Variants in SH3D19 observed in about 807,000 individuals in gnomAD.
The protein encoded by SH3D19 is SH3 domain containing 19.
Under a neutral mutation model 112.1 loss-of-function variants are expected in SH3D19, and 58 were observed. That is an observed-to-expected ratio of 0.52 (90% CI 0.42 to 0.64). The LOEUF (loss-of-function observed/expected upper bound fraction) is 0.64, where lower values mean the gene tolerates loss of function less well. SH3D19 is among the 30% of genes least tolerant of loss of function. SH3D19 has a pLI of 0.00. For missense variants in SH3D19, 1,090 were observed against 1,263.4 expected, an observed-to-expected ratio of 0.86 and a Z score of 2.08; for synonymous variants, 391 against 448.5, an observed-to-expected ratio of 0.87 and a Z score of 1.62.
At chr4:151,269,128 C>T (rs1359981409) in intron 1 of SH3D19, among the ~76,000 whole-genome samples, 1 of 152,210 alleles carries the variant, frequency 6.6e-6, no homozygotes, top group Non-Finnish European at 1.5e-5. Context: ...CTAATGATTG[C>T]CATTCTAACT....
intron 1 of SH3D19, among the ~76,000 whole-genome samples, chr4:151,322,926 T>C (rs1730697310): frequency 6.6e-6 from 1 of 151,944 alleles, no homozygotes; most frequent in Admixed American, 6.6e-5. Flanking sequence ...GGTAAAACTG[T>C]ACAGAATGAA....
intron 2 of SH3D19, among the ~76,000 whole-genome samples, chr4:151,203,268 T>A (rs1764655126): frequency 6.6e-6 from 1 of 152,104 alleles, no homozygotes; most frequent in South Asian, 2.1e-4. Context: ...CACGGAACAA[T>A]CCTTGGCAGT....
At chr4:151,249,992 G>A (rs1561400106) in intron 1 of SH3D19, among the ~76,000 whole-genome samples, 1 of 152,136 alleles carries the variant, frequency 6.6e-6, no homozygotes, top group Non-Finnish European at 1.5e-5. Context: ...CCAAAATGTA[G>A]GGACTGGGGG....
intron 1 of SH3D19, among the ~76,000 whole-genome samples, chr4:151,296,521 T>C (rs1297564483): frequency 2.6e-5 from 4 of 152,116 alleles, no homozygotes; most frequent in African/African-American, 4.8e-5. Flanking sequence ...ACAATAAACA[T>C]ATGCATTCAC....
intron 14 of SH3D19, among the ~76,000 whole-genome samples, chr4:151,136,514 T>C (rs1751882516): frequency 2.0e-5 from 3 of 152,238 alleles, no homozygotes; most frequent in Non-Finnish European, 4.4e-5. Flanking sequence ...TGCAATAAAA[T>C]ATTTGGCTAT....
In SH3D19 at chr4:151,175,325, A is replaced by T. The variant is rs1486271106; in HGVS notation, c.879T>A (p.Ile293=). 4 of 1,613,600 alleles carry T rather than the reference A, an allele frequency of 2.5e-6. No homozygotes were observed. The highest frequency in any genetic ancestry group is 3.4e-6 in the Non-Finnish European group (4 of 1,179,894). ...IMNTEQSQNS[I]VSRIKVFEGQ... ...CCTCAAACACTTTAATTCTGGAAAC[A>T]ATACTATTTTGGCTTTGTTCTGTGT... Residue 293 remains isoleucine, a synonymous_variant, in exon 7 of 20, where the codon ATT becomes ATA. Coordinates refer to ENST00000604030, the MANE Select transcript of SH3D19 (RefSeq NM_001378122.1).
At chr4:151,283,789 T>G (rs1413052126) in intron 1 of SH3D19, among the ~76,000 whole-genome samples, 3 of 152,144 alleles carry the variant, frequency 2.0e-5, no homozygotes, top group Non-Finnish European at 4.4e-5. Flanking sequence ...TTGCTAGACT[T>G]TTATAGACCT....
intron 9 of SH3D19, among the ~76,000 whole-genome samples, chr4:151,150,455 G>A (rs939704925): frequency 2.0e-5 from 3 of 151,378 alleles, no homozygotes; most frequent in African/African-American, 7.3e-5. Flanking sequence ...GTTTTGCTTT[G>A]AATAGGCAGA....
At chr4:151,218,489 T>C (rs1024029402) in intron 2 of SH3D19, among the ~76,000 whole-genome samples, 1 of 151,982 alleles carries the variant, frequency 6.6e-6, no homozygotes, top group African/African-American at 2.4e-5. Context: ...GGTGTGATCA[T>C]AGTTCACCAA....
chr4:151,312,164 A>G (rs1729522801), intron 1 of SH3D19, among the ~76,000 whole-genome samples: 2 of 152,162 alleles, frequency 1.3e-5, no homozygotes, highest in Non-Finnish European at 1.5e-5. Flanking sequence ...AATATATTCA[A>G]TTTTCATTAG....
rs183440132 is a variant in SH3D19 at position 151,281,330 on chromosome 4, A to G, written c.112+43911T>C. Among the ~76,000 whole-genome samples, 3 of 152,346 alleles carry G rather than the reference A, an allele frequency of 2.0e-5. No homozygotes were observed. In the East Asian group the frequency reaches 5.8e-4, roughly 29 times the overall value. ...TCCAGGAGAAGCAAAACGTTTTATA[A>G]GAAATGTAATCACCCAATAGGACCC... is the stretch of plus-strand genomic sequence containing the variant. On this transcript the variant is annotated intron_variant, in intron 1 of 19. Coordinates refer to ENST00000604030, the MANE Select transcript of SH3D19 (RefSeq NM_001378122.1).
chr4:151,286,786 C>T (rs1774833280), intron 1 of SH3D19, among the ~76,000 whole-genome samples: 1 of 151,494 alleles, frequency 6.6e-6, no homozygotes, highest in African/African-American at 2.4e-5. Context: ...TCGAGACGAG[C>T]CTAGCAAATG....
chr4:151,186,633 C>G (rs1227859830), intron 3 of SH3D19, among the ~76,000 whole-genome samples: 2 of 150,878 alleles, frequency 1.3e-5, no homozygotes, highest in Non-Finnish European at 2.9e-5. Context: ...GAGGTTTCAC[C>G]ATGTTGGTTG....
rs559460017 is a variant in SH3D19 at position 151,265,295 on chromosome 4, G to A, written c.113-39209C>T. Among the ~76,000 whole-genome samples, 5 of 150,822 alleles carry A rather than the reference G, an allele frequency of 3.3e-5. No individual in the cohort carries two copies. The South Asian group carries it at 8.3e-4, about 25-fold the overall frequency. On this transcript the variant is annotated intron_variant, in intron 1 of 19. Coordinates refer to ENST00000604030, the MANE Select transcript of SH3D19 (RefSeq NM_001378122.1). ...CAAACAAGGCATACTTGACACTGTG[G>A]AAAATGCTTCAGCAAAAGAAAAGGT...
chr4:151,218,054 C>T (rs1767416459), intron 2 of SH3D19, among the ~76,000 whole-genome samples: 1 of 152,008 alleles, frequency 6.6e-6, no homozygotes, highest in African/African-American at 2.4e-5. Context: ...AGACACTGAA[C>T]CACCACTCTT....
Position 151,174,868 on chromosome 4 carries a change from C to T in SH3D19, c.1336G>A (p.Val446Ile). The part of the protein sequence containing the change: ...YPSAPLKPVT[V>I]PPRLAGASQA... ...GATGCCCCTGCGAGTCGGGGAGGAA[C>T]AGTGACAGGTTTCAGTGGAGCTGAA... Residue 446 changes from valine (V) to isoleucine (I), a missense_variant, in exon 7 of 20, where the codon GTT becomes ATT. By Grantham distance (29) the Val-to-Ile change is conservative. Transcript: ENST00000604030. The T allele has an allele frequency of 1.9e-6, 3 of 1,607,324 alleles. No homozygotes were observed. Among genetic ancestry groups the T allele is most frequent in the Non-Finnish European group, 1.7e-6 (2 of 1,176,542 alleles).
chr4:151,320,213 T>C (rs375610611), intron 1 of SH3D19, among the ~76,000 whole-genome samples: 45 of 152,346 alleles, frequency 3.0e-4, no homozygotes, highest in East Asian at 2.1e-3. Flanking sequence ...CATCAAAATA[T>C]AGAAAGAGTA....
chr4:151,256,393 G>A (rs1218548686), intron 1 of SH3D19, among the ~76,000 whole-genome samples: 1 of 152,176 alleles, frequency 6.6e-6, no homozygotes, highest in Non-Finnish European at 1.5e-5. Context: ...ATTTGAAAGA[G>A]GAAAGAGACA....
At chr4:151,314,865 G>A (rs953413890) in intron 1 of SH3D19, among the ~76,000 whole-genome samples, 1 of 152,194 alleles carries the variant, frequency 6.6e-6, no homozygotes, top group Non-Finnish European at 1.5e-5. Flanking sequence ...GCTACTGTGA[G>A]CTACACAGCC....
Sources: gnomAD v4.1 joint callset for allele counts (sites outside exome capture counted in the v4.1 genomes callset) on GRCh38, gnomAD v4.1.1 for gene constraint, MANE v1.5 for transcripts, NCBI Gene and HGNC (gene_info 2026-07-23, HGNC 2026-07-21) for gene names.